The following DYSF variants were observed in gnomAD, a reference collection of about 807,000 sequenced individuals.
The protein encoded by DYSF is dystrophy-associated fer-1-like 1.
In DYSF, 212 loss-of-function variants were observed where a neutral mutation model predicts 274.9. That is an observed-to-expected ratio of 0.77 (90% CI 0.69 to 0.86). The LOEUF (loss-of-function observed/expected upper bound fraction) is 0.86, where lower values mean the gene tolerates loss of function less well. Ranked by LOEUF, DYSF falls within the 40% of genes least tolerant of loss-of-function variation. The pLI is 0.00. For synonymous variants in DYSF, 1,091 were observed against 1,078.7 expected (o/e 1.01, Z -0.22); for missense variants, 2,666 against 2,783.2 (o/e 0.96, Z 0.95).
In DYSF at chr2:71,466,707, G is replaced by A. The variant is rs892030975; in HGVS notation, c.-136G>A. ...TCTCCCAGGCATTGGTCACTTCTCCGCGGAGGAGCAGCGAAGGCGACAGCT... is the reference window on the plus strand; with the variant it reads ...TCTCCCAGGCATTGGTCACTTCTCCACGGAGGAGCAGCGAAGGCGACAGCT... On this transcript the variant is annotated 5_prime_UTR_variant, in exon 1 of 56. Transcript: ENST00000410020. 1.4e-6 allele frequency: 2 copies of A among 1,389,938 alleles called. No homozygotes were observed. Among genetic ancestry groups the A allele is most frequent in the Admixed American group, 6.0e-5 (2 of 33,398 alleles). 86.1% of individuals were successfully genotyped at this position (1,389,938 alleles called of 1,614,324 possible). A position where few individuals can be genotyped will look rare whatever the true frequency, so the allele number is the denominator to read the frequency against.
chr2:71,501,059 C>G (rs887261229), intron 3 of DYSF, among the ~76,000 whole-genome samples: 1 of 152,086 alleles, frequency 6.6e-6, no homozygotes, highest in African/African-American at 2.4e-5. Context: ...CTGGCACCAG[C>G]CCCTAGGATG....
At chr2:71,562,505 C>G (rs114229309) in intron 23 of DYSF, among the ~76,000 whole-genome samples, 16 of 152,292 alleles carry the variant, frequency 1.1e-4, no homozygotes, top group South Asian at 6.2e-4. Flanking sequence ...AGACCCTCCC[C>G]CTGAGGTCTC....
At chr2:71,587,768 C>A (rs1307667696) in intron 30 of DYSF, among the ~76,000 whole-genome samples, 1 of 152,144 alleles carries the variant, frequency 6.6e-6, no homozygotes, top group Non-Finnish European at 1.5e-5. Context: ...TTTCAGAGCC[C>A]ATGTTGAAGT....
intron 51 of DYSF, among the ~76,000 whole-genome samples, chr2:71,670,794 AGT>A (rs1443672390): frequency 6.6e-6 from 1 of 152,224 alleles, no homozygotes; most frequent in African/African-American, 2.4e-5. Context: ...TGCTGAGGGC[AGT>A]GGAGACTTCA....
intron 41 of DYSF, among the ~76,000 whole-genome samples, chr2:71,635,237 T>G (rs1170643248): frequency 6.6e-6 from 1 of 152,244 alleles, no homozygotes; most frequent in African/African-American, 2.4e-5. Context: ...TTTCATTTCT[T>G]TCGCCTATGA....
At chr2:71,459,768 T>A (rs185126016) in intron 1 of DYSF, among the ~76,000 whole-genome samples, 2 of 152,292 alleles carry the variant, frequency 1.3e-5, no homozygotes, top group East Asian at 3.9e-4. Flanking sequence ...CTGGGCTCTC[T>A]GGAGGGCAGA....
chr2:71,483,414 G>T (rs978099480), intron 3 of DYSF, among the ~76,000 whole-genome samples: 43 of 152,228 alleles, frequency 2.8e-4, no homozygotes. Flanking sequence ...GCTTCCTGGA[G>T]GAGGGTCACT....
intron 12 of DYSF, among the ~76,000 whole-genome samples, chr2:71,521,110 A>G (rs2087220642): frequency 6.6e-6 from 1 of 152,236 alleles, no homozygotes; most frequent in Non-Finnish European, 1.5e-5. Context: ...AATCACTCAT[A>G]ATCCTACCAC....
intron 41 of DYSF, among the ~76,000 whole-genome samples, chr2:71,626,309 T>A (rs565857259): frequency 4.9e-5 from 2 of 40,708 alleles, no homozygotes; most frequent in African/African-American, 6.7e-5. Context: ...TAGTTAGCTG[T>A]TTTTTTTCAT....
At chr2:71,609,668 T>G (rs1192225942) in intron 36 of DYSF, among the ~76,000 whole-genome samples, 5 of 152,216 alleles carry the variant, frequency 3.3e-5, no homozygotes, top group Non-Finnish European at 7.3e-5. Flanking sequence ...GTGGCAGAGC[T>G]GGAACTAGAG....
chr2:71,476,542 AAG>A (rs1031073692), intron 1 of DYSF, among the ~76,000 whole-genome samples: 1 of 146,364 alleles, frequency 6.8e-6, no homozygotes, highest in African/African-American at 2.7e-5. Context: ...ACTCCATCTC[AAG>A]AAAAAAAAAA....
chr2:71,543,953 A>G (rs2090242633), intron 17 of DYSF, among the ~76,000 whole-genome samples: 1 of 150,790 alleles, frequency 6.6e-6, no homozygotes, highest in Non-Finnish European at 1.5e-5. Context: ...GGAGACGGAG[A>G]GGGAGAGGGA....
At chr2:71,626,463 A>G (rs1359873503) in intron 41 of DYSF, among the ~76,000 whole-genome samples, 1 of 151,054 alleles carries the variant, frequency 6.6e-6, no homozygotes, top group African/African-American at 2.4e-5. Context: ...TTAATTAATA[A>G]CCCAAGTTAT....
At chr2:71,491,866 A>G (rs746845273) in intron 3 of DYSF, among the ~76,000 whole-genome samples, 37 of 152,196 alleles carry the variant, frequency 2.4e-4, no homozygotes, top group Non-Finnish European at 5.0e-4. Context: ...TAGTGCTGCA[A>G]TGAACATACA....
intron 42 of DYSF, among the ~76,000 whole-genome samples, chr2:71,651,289 T>A (rs565243224): frequency 1.3e-5 from 2 of 152,160 alleles, no homozygotes; most frequent in African/African-American, 2.4e-5. Flanking sequence ...AATAGATAAC[T>A]CTTCAGCTAG....
intron 30 of DYSF, among the ~76,000 whole-genome samples, chr2:71,583,799 C>A (rs1257668312): frequency 6.6e-6 from 1 of 152,192 alleles, no homozygotes; most frequent in Non-Finnish European, 1.5e-5. Flanking sequence ...TTCCCCAGAA[C>A]CTGACTATCT....
chr2:71,574,322 C>A lies in DYSF; in HGVS notation c.3353C>A (p.Pro1118Gln). 6.2e-7 allele frequency: 1 copy of A among 1,614,168 alleles called. No homozygotes were observed. Among genetic ancestry groups the A allele is most frequent in the Non-Finnish European group, 8.5e-7 (1 of 1,180,002 alleles). The change falls in exon 30 of 56, where the codon CCA (proline) becomes CAA (glutamine). Residue 1118 changes from proline (P) to glutamine (Q), a missense_variant. Transcript: ENST00000410020. ...CGCCGCTGGCGCCGTCGCATGGAGCCACTGGAGAAGACGGGGCCTGCAGCT... is the reference window on the plus strand; with the variant it reads ...CGCCGCTGGCGCCGTCGCATGGAGCAACTGGAGAAGACGGGGCCTGCAGCT... ...RRRRWRRRME[P>Q]LEKTGPAAVF...
intron 1 of DYSF, among the ~76,000 whole-genome samples, chr2:71,475,263 G>A (rs912511164): frequency 1.3e-5 from 2 of 152,150 alleles, no homozygotes; most frequent in African/African-American, 4.8e-5. Context: ...TGGAAACAGC[G>A]CTTCTATCCT....
intron 36 of DYSF, 30 bp downstream of exon 36, chr2:71,602,835 G>T: frequency 6.2e-7 from 1 of 1,611,694 alleles, no homozygotes. Flanking sequence ...TGGGATGGGT[G>T]GGCCGAGGTA....
Sources: gnomAD v4.1 joint callset for allele counts (sites outside exome capture counted in the v4.1 genomes callset) on GRCh38, gnomAD v4.1.1 for gene constraint, MANE v1.5 for transcripts, NCBI Gene and HGNC (gene_info 2026-07-23, HGNC 2026-07-21) for gene names.